Variants in KCNT2 observed in about 807,000 individuals in gnomAD.
KCNT2 encodes the protein potassium channel subfamily T member 2.
In KCNT2, 67 loss-of-function variants were observed where a neutral mutation model predicts 153.8. That is an observed-to-expected ratio of 0.44 (90% CI 0.36 to 0.53). KCNT2 has a LOEUF of 0.53. Ranked by LOEUF, KCNT2 falls within the 20% of genes least tolerant of loss-of-function variation. The pLI, the probability that KCNT2 is intolerant of heterozygous loss-of-function variation, is 0.00. For missense variants in KCNT2, 975 were observed against 1,354.8 expected (o/e 0.72, Z 4.40); for synonymous variants, 500 against 458.8 (o/e 1.09, Z -1.15).
chr1:196,299,372 CA>C (rs916452153), intron 22 of KCNT2, among the ~76,000 whole-genome samples: 10 of 150,310 alleles, frequency 6.7e-5, no homozygotes, highest in African/African-American at 2.0e-4. Flanking sequence ...AAAAAATCAG[CA>C]AAAAAAAGTG....
intron 1 of KCNT2, among the ~76,000 whole-genome samples, chr1:196,542,694 T>A (rs75658993): frequency 0.022 from 3,277 of 152,150 alleles, 121 homozygotes; most frequent in African/African-American, 0.074. Flanking sequence ...TTTCAACCAA[T>A]CAATAAAAAT....
In KCNT2 at chr1:196,412,681, T is replaced by C. The variant is rs1672438321; in HGVS notation, c.1185+10369A>G. 9.2e-5 allele frequency among the ~76,000 whole-genome samples: 14 copies of C among 151,402 alleles called. 1 individual carries two copies. In the South Asian group the frequency reaches 2.9e-3, roughly 31 times the overall value. On this transcript the variant is annotated intron_variant, in intron 12 of 27. Coordinates refer to ENST00000294725, the MANE Select transcript of KCNT2 (RefSeq NM_198503.5). Reference sequence around the variant, plus strand: ...AATGTACAGTATGGTAATCAACACATAAAATATATAGCTGATTTTGGAAAT... The same window carrying C: ...AATGTACAGTATGGTAATCAACACACAAAATATATAGCTGATTTTGGAAAT...
At chr1:196,407,102 T>A (rs1671891104) in intron 12 of KCNT2, among the ~76,000 whole-genome samples, 1 of 151,386 alleles carries the variant, frequency 6.6e-6, no homozygotes, top group Admixed American at 6.6e-5. Flanking sequence ...AATTGTATAT[T>A]TTACTTACTT....
chr1:196,334,487 C>CTTTTTTTTTTTTTT lies in KCNT2; in HGVS notation c.1784-428_1784-427insAAAAAAAAAAAAAA, dbSNP rs533230418. 1.7e-4 allele frequency among the ~76,000 whole-genome samples: 15 copies of CTTTTTTTTTTTTTT among 87,262 alleles called. 1 individual carries two copies. The highest frequency in any genetic ancestry group is 3.1e-4 in the African/African-American group (7 of 22,940). The allele number at this position is 87,262 out of a possible 152,430, so 57.2% of individuals were successfully genotyped here. The stretch of plus-strand genomic sequence containing the variant: ...TTTTCTTTTATTTCTTTCTTTCTTT[C>CTTTTTTTTTTTTTT]TTTTTTTTTTTTAAGACAGAGTCTC... On this transcript the variant is annotated intron_variant, in intron 16 of 27. Transcript: ENST00000294725.
chr1:196,268,960 C>T (rs770058021), intron 25 of KCNT2, among the ~76,000 whole-genome samples: 4 of 152,048 alleles, frequency 2.6e-5, no homozygotes, highest in African/African-American at 9.7e-5. Context: ...TGTATACAAT[C>T]ATTAGATCTA....
chr1:196,309,780 A>T (rs568703447), intron 21 of KCNT2, among the ~76,000 whole-genome samples: 1 of 152,014 alleles, frequency 6.6e-6, no homozygotes, highest in East Asian at 1.9e-4. Context: ...AATATAAGCT[A>T]AACACATTTT....
At chr1:196,449,656 C>G (rs1192873233) in intron 8 of KCNT2, among the ~76,000 whole-genome samples, 1 of 151,302 alleles carries the variant, frequency 6.6e-6, no homozygotes, top group Non-Finnish European at 1.5e-5. Flanking sequence ...GTTATTTCAT[C>G]ATATATGATG....
intron 22 of KCNT2, among the ~76,000 whole-genome samples, chr1:196,302,106 A>G (rs1661238289): frequency 6.6e-6 from 1 of 152,176 alleles, no homozygotes; most frequent in Non-Finnish European, 1.5e-5. Context: ...AAGGGCATCT[A>G]CTTATAGATA....
At chr1:196,497,182 AG>A (rs1680323683) in intron 1 of KCNT2, among the ~76,000 whole-genome samples, 1 of 152,202 alleles carries the variant, frequency 6.6e-6, no homozygotes, top group Admixed American at 6.5e-5. Context: ...GTATTCAACT[AG>A]TTGCAGATAG....
intron 4 of KCNT2, among the ~76,000 whole-genome samples, chr1:196,479,540 T>C (rs1381234318): frequency 6.6e-6 from 1 of 152,322 alleles, no homozygotes; most frequent in Non-Finnish European, 1.5e-5. Context: ...TTACATGATA[T>C]ATAAAGAACA....
At chr1:196,360,280 T>G (rs758687569) in intron 14 of KCNT2, among the ~76,000 whole-genome samples, 1 of 152,098 alleles carries the variant, frequency 6.6e-6, no homozygotes, top group Non-Finnish European at 1.5e-5. Flanking sequence ...TAGTAGGTTT[T>G]TTTTTGTTCT....
At chr1:196,306,539 G>T (rs1029727079) in intron 21 of KCNT2, among the ~76,000 whole-genome samples, 5 of 152,058 alleles carry the variant, frequency 3.3e-5, no homozygotes, top group African/African-American at 9.7e-5. Flanking sequence ...TGGATGATTT[G>T]CCAGGAATGC....
At position 196,227,423 on chromosome 1, in the gene KCNT2, A is replaced by C. The variant is rs1481040037; in HGVS notation, c.*801T>G. ...AGTTAATTTTTCAATCCTTGAATTA[A>C]ATTTAAGTCAACAAATGTGTATTAA... On this transcript the variant is annotated 3_prime_UTR_variant, in exon 28 of 28. Transcript: ENST00000294725. 1 of 152,062 alleles carries C rather than the reference A, an allele frequency of 6.6e-6. No homozygotes were observed. The highest frequency in any genetic ancestry group is 2.4e-5 in the African/African-American group (1 of 41,452). 9.4% of individuals were successfully genotyped at this position (152,062 alleles called of 1,614,324 possible). A position where few individuals can be genotyped will look rare whatever the true frequency, so the allele number is the denominator to read the frequency against.
At chr1:196,281,017 T>C in intron 24 of KCNT2, 29 bp from the exon 25 acceptor site, 1 of 1,559,918 alleles carries the variant, frequency 6.4e-7, no homozygotes, top group Non-Finnish European at 8.8e-7. Context: ...ATTTACATAT[T>C]AAATGTGTCA....
At chr1:196,245,126 C>T (rs2102274297) in intron 26 of KCNT2, among the ~76,000 whole-genome samples, 1 of 152,234 alleles carries the variant, frequency 6.6e-6, no homozygotes, top group African/African-American at 2.4e-5. Flanking sequence ...CTGTAAGAGC[C>T]ACAGCATTAC....
At chr1:196,231,476 A>T (rs1653949874) in intron 27 of KCNT2, among the ~76,000 whole-genome samples, 1 of 151,868 alleles carries the variant, frequency 6.6e-6, no homozygotes, top group Admixed American at 6.6e-5. Flanking sequence ...CCGGCAGAAG[A>T]TTAAAGTAAA....
At chr1:196,279,017 AG>A (rs1340551231) in intron 25 of KCNT2, among the ~76,000 whole-genome samples, 4 of 152,168 alleles carry the variant, frequency 2.6e-5, no homozygotes, top group South Asian at 2.1e-4. Context: ...ACCAGGAAGC[AG>A]GTCGGCAACA....
chr1:196,284,748 T>C (rs1225221453), intron 23 of KCNT2, among the ~76,000 whole-genome samples: 1 of 152,176 alleles, frequency 6.6e-6, no homozygotes, highest in Non-Finnish European at 1.5e-5. Context: ...GCTCCAGCTC[T>C]CATCTGACAT....
chr1:196,277,166 A>G (rs866562442), intron 25 of KCNT2, among the ~76,000 whole-genome samples: 25 of 152,194 alleles, frequency 1.6e-4, no homozygotes, highest in African/African-American at 6.0e-4. Context: ...GCTCTAGTTT[A>G]TCAATAACTT....
Sources: allele counts gnomAD v4.1 joint callset (sites outside exome capture counted in the v4.1 genomes callset), GRCh38; gene constraint gnomAD v4.1.1; transcripts MANE v1.5; gene names NCBI Gene and HGNC (gene_info 2026-07-23, HGNC 2026-07-21).